The following SUMF1 variants were observed in gnomAD, a reference collection of about 807,000 sequenced individuals.
SUMF1 encodes sulfatase modifying factor 1.
A neutral mutation model predicts 47.6 loss-of-function variants in SUMF1; 48 were observed. That is an observed-to-expected ratio of 1.01 (90% confidence interval 0.80 to 1.28). The LOEUF is 1.28. Among genes scored for constraint, SUMF1 ranks in the 50% most tolerant of loss-of-function variants. The pLI is 0.00. For missense variants in SUMF1, 571 were observed against 485.4 expected, an observed-to-expected ratio of 1.18 and a Z score of -1.66; for synonymous variants, 230 against 192.1, an observed-to-expected ratio of 1.20 and a Z score of -1.63.
chr3:4,467,046 G>A lies in SUMF1; in HGVS notation c.200C>T (p.Ala67Val), dbSNP rs781397249. 6.4e-7 allele frequency: 1 copy of A among 1,571,602 alleles called. No individual in the cohort carries two copies. The highest frequency in any genetic ancestry group is 2.1e-4 in the Middle Eastern group (1 of 4,778). Residue 67 changes from alanine to valine, a missense_variant, in exon 1 of 9, where the codon GCT (alanine) becomes GTT (valine). Physicochemically the swap from Ala to Val is moderately conservative, Grantham distance 64. Coordinates refer to ENST00000272902, the MANE Select transcript of SUMF1 (RefSeq NM_182760.4). The part of the protein sequence containing the change: ...RPGAHGSSAA[A>V]HRYSREANAP... ...GTTAGCCTCCCGCGAGTATCGGTGA[G>A]CGGCTGCCGAACTGCCATGGGCGCC...
chr3:4,212,880 CA>C (rs1695830312), intron 8 of SUMF1, among the ~76,000 whole-genome samples: 1 of 151,932 alleles, frequency 6.6e-6, no homozygotes, highest in South Asian at 2.1e-4. Context: ...TAAAAACGAA[CA>C]AACAAAGCCT....
chr3:4,271,385 G>T (rs1481456816), intron 8 of SUMF1, among the ~76,000 whole-genome samples: 1 of 151,976 alleles, frequency 6.6e-6, no homozygotes, highest in African/African-American at 2.4e-5. Context: ...ATAAACTCTG[G>T]AGTCTAACAT....
intron 8 of SUMF1, among the ~76,000 whole-genome samples, chr3:4,324,032 GA>G (rs1291890055): frequency 2.0e-5 from 3 of 152,136 alleles, no homozygotes; most frequent in Admixed American, 6.5e-5. Flanking sequence ...TTACTGTATA[GA>G]TTTAGCAGAT....
intron 8 of SUMF1, among the ~76,000 whole-genome samples, chr3:4,226,054 T>G (rs543865844): frequency 6.6e-6 from 1 of 152,000 alleles, no homozygotes; most frequent in Non-Finnish European, 1.5e-5. Flanking sequence ...TCTACCATGA[T>G]TCCCTCAACT....
chr3:4,194,559 A>G (rs1172010300), intron 8 of SUMF1, among the ~76,000 whole-genome samples: 4 of 152,180 alleles, frequency 2.6e-5, no homozygotes, highest in African/African-American at 9.6e-5. Flanking sequence ...TCTTTAGTCT[A>G]AACAGTCCAG....
intron 8 of SUMF1, chr3:4,316,451 C>A: frequency 1.9e-6 from 3 of 1,602,692 alleles, no homozygotes; most frequent in Non-Finnish European, 2.6e-6. Flanking sequence ...TGAGAGCAAT[C>A]ATCGAAGCTG....
At chr3:4,302,790 C>G (rs1222898129) in intron 8 of SUMF1, among the ~76,000 whole-genome samples, 1 of 152,090 alleles carries the variant, frequency 6.6e-6, no homozygotes, top group Non-Finnish European at 1.5e-5. Flanking sequence ...TATCAGAATC[C>G]TTTGGCAGGG....
chr3:4,465,090 T>C (rs1215465281), intron 1 of SUMF1, among the ~76,000 whole-genome samples: 3 of 152,230 alleles, frequency 2.0e-5, no homozygotes, highest in African/African-American at 7.2e-5. Flanking sequence ...GGAATCTAGA[T>C]AAAATTTTGA....
intron 8 of SUMF1, among the ~76,000 whole-genome samples, chr3:4,254,395 T>C (rs1192134107): frequency 6.6e-6 from 1 of 150,428 alleles, no homozygotes; most frequent in African/African-American, 2.5e-5. Context: ...ATAACTAGAA[T>C]AACCAATACA....
chr3:4,043,182 T>A (rs906906538), intron 9 of SUMF1, among the ~76,000 whole-genome samples: 1 of 152,008 alleles, frequency 6.6e-6, no homozygotes, highest in African/African-American at 2.4e-5. Context: ...TGGCACCCCA[T>A]GAACACTGGA....
At chr3:4,420,175 T>TA (rs759171405) in intron 3 of SUMF1, 29 bp from the exon 4 acceptor site, 1 of 1,582,590 alleles carries the variant, frequency 6.3e-7, no homozygotes, top group Non-Finnish European at 8.7e-7. Context: ...AGGCTGATGT[T>TA]AGCTACTAAC....
intron 7 of SUMF1, among the ~76,000 whole-genome samples, chr3:4,396,362 C>G (rs573300881): frequency 6.6e-6 from 1 of 152,286 alleles, no homozygotes; most frequent in Non-Finnish European, 1.5e-5. Flanking sequence ...TAAAAGCACA[C>G]AATAAAAAGT....
At chr3:4,046,339 C>T (rs568657908) in intron 9 of SUMF1, among the ~76,000 whole-genome samples, 2 of 152,240 alleles carry the variant, frequency 1.3e-5, no homozygotes, top group African/African-American at 4.8e-5. Context: ...AACTTTTCTT[C>T]TCTTTGAGGT....
At chr3:4,149,331 T>C (rs1694264967) in intron 8 of SUMF1, among the ~76,000 whole-genome samples, 1 of 152,044 alleles carries the variant, frequency 6.6e-6, no homozygotes. Flanking sequence ...TCTTGAGGGA[T>C]TTTTCAAAGG....
In SUMF1 at chr3:4,417,092, C is replaced by A. The variant is rs759439320; in HGVS notation, c.840+36G>T. Reference sequence around the variant, plus strand: ...GTCTACTGGGAGCCTCAGTTCTCAGCAGCTGCCACCCTCCTGCAGAGGTCT... The same window carrying A: ...GTCTACTGGGAGCCTCAGTTCTCAGAAGCTGCCACCCTCCTGCAGAGGTCT... On this transcript the variant is annotated intron_variant, in intron 6 of 8. Coordinates refer to ENST00000272902, the MANE Select transcript of SUMF1 (RefSeq NM_182760.4). 4 of 1,601,242 alleles carry A rather than the reference C, an allele frequency of 2.5e-6. No homozygotes were observed. The South Asian group carries it at 4.4e-5, about 18-fold the overall frequency.
intron 8 of SUMF1, among the ~76,000 whole-genome samples, chr3:4,259,842 C>G (rs1206201435): frequency 1.3e-5 from 2 of 151,948 alleles, no homozygotes; most frequent in Non-Finnish European, 2.9e-5. Flanking sequence ...GCTATTAAAA[C>G]AACCCATAAT....
chr3:4,155,578 T>C (rs1694434702), intron 8 of SUMF1, among the ~76,000 whole-genome samples: 1 of 151,416 alleles, frequency 6.6e-6, no homozygotes, highest in Non-Finnish European at 1.5e-5. Context: ...CAAGATTTAG[T>C]GGTGGCAGCA....
chr3:4,330,493 T>C (rs1431379005), intron 8 of SUMF1, among the ~76,000 whole-genome samples: 4 of 152,212 alleles, frequency 2.6e-5, no homozygotes, highest in African/African-American at 7.2e-5. Flanking sequence ...GGAACTCCCA[T>C]TTATAAAACC....
intron 9 of SUMF1, among the ~76,000 whole-genome samples, chr3:4,066,659 C>T (rs778785384): frequency 6.6e-6 from 1 of 152,134 alleles, no homozygotes; most frequent in Non-Finnish European, 1.5e-5. Context: ...TATACACCCC[C>T]AACCCCATTT....
Sources: gnomAD v4.1 joint callset for allele counts (sites outside exome capture counted in the v4.1 genomes callset) on GRCh38, gnomAD v4.1.1 for gene constraint, MANE v1.5 for transcripts, NCBI Gene and HGNC (gene_info 2026-07-23, HGNC 2026-07-21) for gene names.